Variants in RIC1 observed in about 807,000 individuals in gnomAD.
The protein encoded by RIC1 is RIC1 partner of RAB6A GEF complex.
Under a neutral mutation model 169.0 loss-of-function variants are expected in RIC1, and 88 were observed. The ratio of observed to expected loss-of-function variants is 0.52; its 90% confidence interval spans 0.44 to 0.62. The LOEUF (loss-of-function observed/expected upper bound fraction) is 0.62. RIC1 is among the 20% of genes least tolerant of loss of function. RIC1 has a pLI of 0.00. For synonymous variants in RIC1, 790 were observed against 601.5 expected, an observed-to-expected ratio of 1.31 and a Z score of -4.59; for missense variants, 1,877 against 1,725.5, an observed-to-expected ratio of 1.09 and a Z score of -1.56.
At chr9:5,645,401 G>A (rs538510261) in intron 1 of RIC1, among the ~76,000 whole-genome samples, 62 of 152,250 alleles carry the variant, frequency 4.1e-4, no homozygotes, top group African/African-American at 1.4e-3. Context: ...TATATGTCTT[G>A]ATACAAATTA....
intron 4 of RIC1, among the ~76,000 whole-genome samples, chr9:5,715,417 T>C (rs367909078): frequency 2.2e-4 from 34 of 152,300 alleles, no homozygotes; most frequent in African/African-American, 7.9e-4. Context: ...AATCTATGAA[T>C]TTAGGTGGTT....
Position 5,757,345 on chromosome 9 carries a change from A to G in RIC1, c.1886A>G (p.Gln629Arg), listed in dbSNP as rs1826069745. Residue 629 changes from glutamine (Q) to arginine (R), a missense_variant, in exon 17 of 26, where the codon CAG becomes CGG. Gln to Arg is a conservative substitution (Grantham distance 43). This residue lies in a region of RIC1 where 1,104 missense variants were observed against 992.0 expected (regional missense o/e 1.11). Coordinates refer to ENST00000414202, the MANE Select transcript of RIC1 (RefSeq NM_020829.4). ...PNTTAGIQVL[Q>R]EVSMSRYIPH... ...ACTACTGCTGGTATTCAAGTTCTTC[A>G]GGAGGTTTCCATGTCACGCTACATT... 1.2e-6 allele frequency: 2 copies of G among 1,613,958 alleles called. No individual in the cohort carries two copies. Among genetic ancestry groups the G allele is most frequent in the Admixed American group, 1.7e-5 (1 of 60,000 alleles).
chr9:5,726,258 T>A (rs1488033300), intron 6 of RIC1, among the ~76,000 whole-genome samples: 2 of 152,200 alleles, frequency 1.3e-5, no homozygotes, highest in Non-Finnish European at 2.9e-5. Flanking sequence ...GCATATATAT[T>A]TAGGATAGTT....
At chr9:5,671,619 A>G (rs1205566247) in intron 2 of RIC1, among the ~76,000 whole-genome samples, 1 of 152,236 alleles carries the variant, frequency 6.6e-6, no homozygotes, top group Non-Finnish European at 1.5e-5. Flanking sequence ...AATAAAAAAG[A>G]ACCTGTTTTG....
At chr9:5,736,665 T>C (rs1002904150) in intron 7 of RIC1, among the ~76,000 whole-genome samples, 1 of 152,082 alleles carries the variant, frequency 6.6e-6, no homozygotes, top group African/African-American at 2.4e-5. Flanking sequence ...TGGAAGATAT[T>C]AGAAAAAGAC....
chr9:5,759,777 G>GA (rs940011517), intron 17 of RIC1, among the ~76,000 whole-genome samples: 33 of 149,392 alleles, frequency 2.2e-4, no homozygotes, highest in East Asian at 1.2e-3. Context: ...TGACAAAACT[G>GA]AAAAAAAAAT....
At chr9:5,762,749 T>A (rs1390254438) in intron 18 of RIC1, 89 bp downstream of exon 18, 1 of 1,458,298 alleles carries the variant, frequency 6.9e-7, no homozygotes, top group African/African-American at 1.4e-5. Context: ...GAAGAGTATT[T>A]TATGATTTGG....
intron 7 of RIC1, among the ~76,000 whole-genome samples, chr9:5,732,717 G>A (rs1041010439): frequency 1.3e-5 from 2 of 152,106 alleles, no homozygotes; most frequent in African/African-American, 4.8e-5. Context: ...TTTCTTCAGT[G>A]GTGGAAAATT....
intron 6 of RIC1, among the ~76,000 whole-genome samples, chr9:5,721,358 T>A (rs948461697): frequency 6.6e-6 from 1 of 152,124 alleles, no homozygotes; most frequent in African/African-American, 2.4e-5. Flanking sequence ...GAGCAGAATT[T>A]ATTAAAAGCA....
chr9:5,663,928 G>A (rs566076325), intron 2 of RIC1, among the ~76,000 whole-genome samples: 1 of 152,182 alleles, frequency 6.6e-6, no homozygotes, highest in Non-Finnish European at 1.5e-5. Context: ...GTGTGTTTTT[G>A]TAGTGGCTGG....
chr9:5,714,816 T>G (rs1375146218), intron 4 of RIC1, among the ~76,000 whole-genome samples: 1 of 152,338 alleles, frequency 6.6e-6, no homozygotes, highest in Non-Finnish European at 1.5e-5. Flanking sequence ...ACTGAGTAGC[T>G]ATGGGACAGG....
At chr9:5,708,625 C>G (rs1822744760) in intron 3 of RIC1, among the ~76,000 whole-genome samples, 1 of 152,084 alleles carries the variant, frequency 6.6e-6, no homozygotes, top group African/African-American at 2.4e-5. Flanking sequence ...GTCAGTCTTA[C>G]TTGGGATCTC....
At chr9:5,756,581 T>A (rs1826030994) in intron 16 of RIC1, among the ~76,000 whole-genome samples, 1 of 152,242 alleles carries the variant, frequency 6.6e-6, no homozygotes, top group Non-Finnish European at 1.5e-5. Flanking sequence ...TTAGCTTATC[T>A]TCCTGGAGTC....
At position 5,770,128 on chromosome 9, in the gene RIC1, T is replaced by C. The variant is rs769753728; in HGVS notation, c.3466T>C (p.Leu1156=). The C allele has an allele frequency of 1.2e-6, 2 of 1,613,668 alleles. No individual in the cohort carries two copies. Among genetic ancestry groups the C allele is most frequent in the East Asian group, 2.2e-5 (1 of 44,808 alleles). ...AAAGTCTCAATCAGCTGACCCATTT[T>C]TGAACCTTGAGATGGATGCTGGCAT... The part of the protein sequence containing the change: ...LLKSQSADPF[L]NLEMDAGISN... Residue 1156 remains leucine (L), a synonymous_variant, in exon 23 of 26, where the codon TTG becomes CTG. Transcript: ENST00000414202.
At chr9:5,732,830 C>T (rs1218896046) in intron 7 of RIC1, among the ~76,000 whole-genome samples, 2 of 152,128 alleles carry the variant, frequency 1.3e-5, no homozygotes, top group Non-Finnish European at 2.9e-5. Context: ...AAGACATCAG[C>T]ATTCATGACG....
In RIC1 at chr9:5,713,938, A is replaced by G. The variant is rs111426484; in HGVS notation, c.375A>G (p.Glu125=). The G allele has an allele frequency of 5.7e-5, 92 of 1,613,248 alleles. No homozygotes were observed. The highest frequency in any genetic ancestry group is 7.6e-5 in the Non-Finnish European group (90 of 1,179,498). ...QMKGTPHFKE[E]QCAPALNLEM... is the part of the protein sequence containing the mutation. ...AGGGGACACCCCATTTTAAGGAAGA[A>G]CAGTGTGCTCCAGCATTAAATTTGG... Residue 125 remains glutamate (E), a synonymous_variant, in exon 4 of 26, where the codon GAA becomes GAG. Coordinates refer to ENST00000414202, the MANE Select transcript of RIC1 (RefSeq NM_020829.4).
rs577231224 is a variant in RIC1, at chr9:5,746,377, C to T, written c.1248+294C>T. ...TTTAGTCTTTATCTGAATAGCATTT[C>T]CCAAAGTGTGTTCCTCCAGGCACTA... On this transcript the variant is annotated intron_variant, in intron 11 of 25. Transcript: ENST00000414202. 5.3e-5 allele frequency among the ~76,000 whole-genome samples: 8 copies of T among 152,064 alleles called. No individual in the cohort carries two copies. In the East Asian group the frequency reaches 1.5e-3, roughly 29 times the overall value.
At chr9:5,667,243 G>A (rs578243203) in intron 2 of RIC1, among the ~76,000 whole-genome samples, 1 of 152,200 alleles carries the variant, frequency 6.6e-6, no homozygotes, top group African/African-American at 2.4e-5. Flanking sequence ...GATCACCTGT[G>A]CCCAGGAGTT....
At position 5,747,380 on chromosome 9, in the gene RIC1, C is replaced by T; in HGVS notation, c.1327C>T (p.Pro443Ser). Residue 443 changes from proline (P) to serine (S), a missense_variant, in exon 12 of 26, where the codon CCC becomes TCC. Pro to Ser is a moderately conservative substitution (Grantham distance 74). Transcript: ENST00000414202. ...NCGEASQTQN[P>S]RSSSTHSEHK... The stretch of plus-strand genomic sequence containing the variant: ...TGGAGAGGCTTCACAAACCCAGAAT[C>T]CCAGGAGTTCTTCAACACACTCTGA... The T allele has an allele frequency of 1.2e-6, 2 of 1,614,044 alleles. No individual in the cohort carries two copies. The highest frequency in any genetic ancestry group is 1.7e-6 in the Non-Finnish European group (2 of 1,179,940).
Sources: gnomAD v4.1 joint callset for allele counts (sites outside exome capture counted in the v4.1 genomes callset) on GRCh38, gnomAD v4.1.1 for gene constraint, gnomAD v4.1.1 regional missense constraint, MANE v1.5 for transcripts, NCBI Gene and HGNC (gene_info 2026-07-23, HGNC 2026-07-21) for gene names.